Variants in ATP13A5 observed in about 807,000 individuals in gnomAD.
The protein encoded by ATP13A5 is ATPase 13A5.
In ATP13A5, 149 loss-of-function variants were observed where a neutral mutation model predicts 150.2. The observed-to-expected ratio is 0.99, with a 90% CI of 0.87 to 1.14. The LOEUF is 1.14. Ranked by LOEUF, ATP13A5 falls within the 50% of genes most tolerant of loss-of-function variation. The probability of loss-of-function intolerance (pLI) is 0.00; values close to 1 mark genes in which losing one functional copy is unlikely to be tolerated. For synonymous variants in ATP13A5, 497 were observed against 522.2 expected (o/e 0.95, Z 0.66); for missense variants, 1,383 against 1,449.3 (o/e 0.95, Z 0.74).
chr3:193,343,000 A>G (rs1417809127), intron 9 of ATP13A5, among the ~76,000 whole-genome samples: 1 of 152,212 alleles, frequency 6.6e-6, no homozygotes, highest in Non-Finnish European at 1.5e-5. Flanking sequence ...ATTATACTGA[A>G]CATATTTATG....
At chr3:193,281,506 A>G (rs1577321612) in intron 27 of ATP13A5, among the ~76,000 whole-genome samples, 1 of 152,180 alleles carries the variant, frequency 6.6e-6, no homozygotes, top group South Asian at 2.1e-4. Flanking sequence ...AGGAAAGCAA[A>G]TCCTGTGTAA....
rs528326848 is a variant in ATP13A5, at chr3:193,378,752, C to T, written c.-27G>A. The T allele has an allele frequency of 1.9e-6, 3 of 1,595,546 alleles. No homozygotes were observed. The highest frequency in any genetic ancestry group is 1.3e-5 in the African/African-American group (1 of 74,486). On this transcript the variant is annotated 5_prime_UTR_variant, in exon 1 of 30. Transcript: ENST00000342358. ...TGAACTCAACCGGCGAGGATCTCTTCTGGCTAACTCCTTGGAGAAATGTCA... is the reference window on the plus strand; with the variant it reads ...TGAACTCAACCGGCGAGGATCTCTTTTGGCTAACTCCTTGGAGAAATGTCA...
intron 15 of ATP13A5, among the ~76,000 whole-genome samples, chr3:193,322,139 T>A (rs925483480): frequency 6.6e-6 from 1 of 152,168 alleles, no homozygotes; most frequent in Non-Finnish European, 1.5e-5. Context: ...ATGTCAGGAC[T>A]CTTGAAACTC....
chr3:193,303,546 A>T (rs1718488680), intron 23 of ATP13A5, among the ~76,000 whole-genome samples: 1 of 152,080 alleles, frequency 6.6e-6, no homozygotes, highest in African/African-American at 2.4e-5. Context: ...ATATATGTTA[A>T]TGTATGTATA....
At chr3:193,360,314 C>A (rs1054708196) in intron 5 of ATP13A5, among the ~76,000 whole-genome samples, 2 of 152,224 alleles carry the variant, frequency 1.3e-5, no homozygotes, top group Admixed American at 6.5e-5. Flanking sequence ...CTCTACCCAG[C>A]TGCTAGGGAG....
chr3:193,362,666 G>A (rs1218641954), intron 3 of ATP13A5, 29 bp from the exon 4 acceptor site: 2 of 1,604,034 alleles, frequency 1.2e-6, no homozygotes, highest in East Asian at 4.5e-5. Context: ...TAGAGCAGGT[G>A]TCATTCACAG....
intron 29 of ATP13A5, among the ~76,000 whole-genome samples, 158 bp from the exon 30 acceptor site, chr3:193,275,460 C>T (rs914413249): frequency 6.6e-6 from 1 of 152,128 alleles, no homozygotes; most frequent in Admixed American, 6.5e-5. Flanking sequence ...GGAATTCTGC[C>T]CTTAAGAAGC....
chr3:193,335,049 T>C lies in ATP13A5; in HGVS notation c.994A>G (p.Met332Val), dbSNP rs779185621. The C allele has an allele frequency of 6.2e-7, 1 of 1,613,914 alleles. No individual in the cohort carries two copies. The highest frequency in any genetic ancestry group is 2.2e-5 in the East Asian group (1 of 44,878). Residue 332 changes from methionine to valine, a missense_variant, in exon 10 of 30, where the codon ATG (methionine) becomes GTG (valine). This residue lies in a region of ATP13A5 where 787 missense variants were observed against 771.9 expected (regional missense o/e 1.02). Coordinates refer to ENST00000342358, the MANE Select transcript of ATP13A5 (RefSeq NM_198505.4). ...TCCAAACTGTGACATTTCCAAGGCATAGTGTTCTCCATCTGGGGCAATGGT... is the reference window on the plus strand; with the variant it reads ...TCCAAACTGTGACATTTCCAAGGCACAGTGTTCTCCATCTGGGGCAATGGT... ...KTPLPQMENT[M>V]PWKCHSLEDY...
intron 27 of ATP13A5, 102 bp from the exon 28 acceptor site, chr3:193,279,556 A>G: frequency 2.4e-6 from 2 of 816,856 alleles, no homozygotes; most frequent in Non-Finnish European, 4.1e-6. Context: ...AATACCAGAT[A>G]TATCTTCAGA....
At chr3:193,344,130 C>G in intron 8 of ATP13A5, 75 bp from the exon 9 acceptor site, 1 of 1,541,674 alleles carries the variant, frequency 6.5e-7, no homozygotes, top group Non-Finnish European at 8.7e-7. Context: ...AACTAAGAAT[C>G]CTTATCAACC....
chr3:193,316,695 T>C (rs1688998782), intron 17 of ATP13A5, among the ~76,000 whole-genome samples: 6 of 152,320 alleles, frequency 3.9e-5, no homozygotes, highest in South Asian at 2.1e-4. Flanking sequence ...TTGAATTGTG[T>C]CCTCTGTACA....
At chr3:193,378,624 G>A in intron 1 of ATP13A5, 39 bp downstream of exon 1, 1 of 1,562,788 alleles carries the variant, frequency 6.4e-7, no homozygotes, top group Non-Finnish European at 8.8e-7. Flanking sequence ...ACCGCCTTGG[G>A]CTCTTTGAGA....
chr3:193,313,246 C>T (rs1305791119), intron 19 of ATP13A5: 5 of 152,204 alleles, frequency 3.3e-5, no homozygotes, highest in African/African-American at 7.2e-5. Flanking sequence ...AGGGGCAGGG[C>T]CATTCTGTAT....
intron 7 of ATP13A5, among the ~76,000 whole-genome samples, chr3:193,347,524 C>CTTTTTTTTTTTTT (rs1553820269): frequency 1.4e-5 from 2 of 145,434 alleles, no homozygotes; most frequent in African/African-American, 5.3e-5. Flanking sequence ...CCTTAGATTT[C>CTTTTTTTTTTTTT]TTTTTTTTTT....
intron 9 of ATP13A5, among the ~76,000 whole-genome samples, chr3:193,340,460 A>G (rs947911359): frequency 1.1e-4 from 16 of 152,244 alleles, no homozygotes; most frequent in African/African-American, 3.9e-4. Context: ...AGAGAAAAAG[A>G]TCTGACCTAT....
At chr3:193,340,385 C>G (rs992531399) in intron 9 of ATP13A5, among the ~76,000 whole-genome samples, 1 of 151,784 alleles carries the variant, frequency 6.6e-6, no homozygotes, top group African/African-American at 2.4e-5. Flanking sequence ...AATGGATGAA[C>G]AAATAAGTAA....
At chr3:193,318,252 G>A (rs572952445) in intron 17 of ATP13A5, among the ~76,000 whole-genome samples, 3 of 152,264 alleles carry the variant, frequency 2.0e-5, no homozygotes, top group Admixed American at 2.0e-4. Context: ...ACATGAAGGA[G>A]CTAGCTGTAT....
rs190174675 is a variant in ATP13A5, at chr3:193,277,176, A to G, written c.3316-346T>C. Among the ~76,000 whole-genome samples, 14 of 152,306 alleles carry G rather than the reference A, an allele frequency of 9.2e-5. No individual in the cohort carries two copies. The East Asian group carries it at 2.5e-3, about 27-fold the overall frequency. ...TCAAACAGAAGGCTAAGATTAAATC[A>G]TTCATCAAATAATGTTAATATTTCC... is the stretch of plus-strand genomic sequence containing the variant. On this transcript the variant is annotated intron_variant, in intron 28 of 29. Transcript: ENST00000342358.
chr3:193,339,771 G>A (rs1210611004), intron 9 of ATP13A5, among the ~76,000 whole-genome samples: 5 of 152,020 alleles, frequency 3.3e-5, no homozygotes, highest in Admixed American at 1.3e-4. Context: ...TGTAAGAGGC[G>A]AATACTTAGA....
Sources: allele counts gnomAD v4.1 joint callset (sites outside exome capture counted in the v4.1 genomes callset), GRCh38; gene constraint gnomAD v4.1.1; regional missense constraint gnomAD v4.1.1; transcripts MANE v1.5; gene names NCBI Gene and HGNC (gene_info 2026-07-23, HGNC 2026-07-21).